The following ZNF835 variants were observed in gnomAD, a reference collection of about 807,000 sequenced individuals.
The protein encoded by ZNF835 is zinc finger protein 835.
For missense variants in ZNF835, 783 were observed against 758.4 expected (o/e 1.03, Z -0.38); for synonymous variants, 323 against 324.7 (o/e 0.99, Z 0.06).
chr19:56,664,079 G>C lies in ZNF835; in HGVS notation c.1120C>G (p.Arg374Gly). The C allele has an allele frequency of 2.5e-6, 4 of 1,598,622 alleles. No homozygotes were observed. The highest frequency in any genetic ancestry group is 3.3e-4 in the Middle Eastern group (2 of 6,002). Residue 374 changes from arginine (R) to glycine (G), a missense_variant, in exon 2 of 2, where the codon CGC (arginine) becomes GGC (glycine). Transcript: ENST00000537055. ...AGGCGGTGCTGGAGGAGGTGGGAGC[G>C]GTTGCTGAAGCGCTTGCCGCAGTCG... ...CHDCGKRFSN[R>G]SHLLQHRLVH...
In ZNF835 at chr19:56,665,145, C is replaced by A. The variant is rs1387826744; in HGVS notation, c.54G>T (p.Trp18Cys). ...GGTCCTCAACCTGGCCCTCGTGTTT[C>A]CAGTTTCCTTCCAACTCTGCGCCCT... ...ALQGAELEGN[W>C]KHEGQVEDLQ... Residue 18 changes from tryptophan to cysteine, a missense_variant, in exon 2 of 2, where the codon TGG (tryptophan) becomes TGT (cysteine). Trp to Cys is a radical substitution (Grantham distance 215, BLOSUM62 -2). Coordinates refer to ENST00000537055, the MANE Select transcript of ZNF835 (RefSeq NM_001005850.3). 1.1e-5 allele frequency: 17 copies of A among 1,614,032 alleles called. No homozygotes were observed. Among genetic ancestry groups the A allele is most frequent in the Non-Finnish European group, 1.4e-5 (16 of 1,179,898 alleles).
rs1233452094 is a variant in ZNF835 at position 56,663,273 on chromosome 19, C to T, written c.*312G>A. ...GGCAGAAGTTTCAGTGAGCCGAGAT[C>T]GCTCCACTGCACTCTAGCCTGGGTG... On this transcript the variant is annotated 3_prime_UTR_variant, in exon 2 of 2. Coordinates refer to ENST00000537055, the MANE Select transcript of ZNF835 (RefSeq NM_001005850.3). The T allele has an allele frequency of 5.3e-6, 2 of 376,204 alleles. No homozygotes were observed. The highest frequency in any genetic ancestry group is 3.4e-5 in the South Asian group (1 of 29,560). 23.3% of individuals were successfully genotyped at this position (376,204 alleles called of 1,614,324 possible).
At chr19:56,666,083 G>A (rs938637874) in intron 1 of ZNF835, among the ~76,000 whole-genome samples, 2 of 152,088 alleles carry the variant, frequency 1.3e-5, no homozygotes, top group African/African-American at 2.4e-5. Context: ...AGCTTTAGAG[G>A]GGGTCATGAG....
chr19:56,663,581 G>T lies in ZNF835; in HGVS notation c.*4C>A. On this transcript the variant is annotated 3_prime_UTR_variant, in exon 2 of 2. Transcript: ENST00000537055. ...TGTGAGGTTGGAAAGGAGGCCCTCA[G>T]CTCTTAATCTTCTGCTGGTCCACGC... 1 of 1,613,882 alleles carries T rather than the reference G, an allele frequency of 6.2e-7. No individual in the cohort carries two copies.
Position 56,664,464 on chromosome 19 carries a change from G to A in ZNF835, c.735C>T (p.Thr245=). 6.2e-7 allele frequency: 1 copy of A among 1,610,636 alleles called. No individual in the cohort carries two copies. ...CGGAGCACTCGTAGGGCTTCTCACC[G>A]GTGTGGATGCGCTGGTGCTCTATCA... is the stretch of plus-strand genomic sequence containing the variant. ...SSLIEHQRIH[T]GEKPYECSAC... Residue 245 remains threonine (T), a synonymous_variant, in exon 2 of 2, where the codon ACC becomes ACT. Transcript: ENST00000537055.
rs8108756 is a variant in ZNF835, at chr19:56,664,830, T to G, written c.369A>C (p.Ser123=). ...GDCGKAFSYC[S]AFILHQRIHT... ...GGATTCTCTGGTGTAAGATGAACGCTGAACAGTAGCTGAAGGCCTTCCCGC... is the reference window on the plus strand; with the variant it reads ...GGATTCTCTGGTGTAAGATGAACGCGGAACAGTAGCTGAAGGCCTTCCCGC... Residue 123 remains serine, a synonymous_variant, in exon 2 of 2, where the codon TCA becomes TCC. Coordinates refer to ENST00000537055, the MANE Select transcript of ZNF835 (RefSeq NM_001005850.3). 0.34 allele frequency: 544,491 copies of G among 1,613,882 alleles called. 97,566 individuals carry two copies. Among genetic ancestry groups the G allele is most frequent in the African/African-American group, 0.64 (47,652 of 75,006 alleles).
In ZNF835 at chr19:56,664,723, G is replaced by A; in HGVS notation, c.476C>T (p.Thr159Met). The change falls in exon 2 of 2, where the codon ACG becomes ATG. Residue 159 changes from threonine (T) to methionine (M), a missense_variant. Coordinates refer to ENST00000537055, the MANE Select transcript of ZNF835 (RefSeq NM_001005850.3). ...QSVHLTLHQR[T>M]HTGEKPYACH... Reference sequence around the variant, plus strand: ...GGCGTAGGGCTTCTCGCCCGTGTGCGTGCGCTGGTGCAGGGTCAGGTGCAC... The same window carrying A: ...GGCGTAGGGCTTCTCGCCCGTGTGCATGCGCTGGTGCAGGGTCAGGTGCAC... 1.2e-6 allele frequency: 2 copies of A among 1,610,312 alleles called. No individual in the cohort carries two copies.
At chr19:56,666,487 G>A (rs890321630) in intron 1 of ZNF835, among the ~76,000 whole-genome samples, 11 of 152,222 alleles carry the variant, frequency 7.2e-5, no homozygotes, top group African/African-American at 1.4e-4. Flanking sequence ...GAAGGCAGCC[G>A]TCTGCAAGCC....
At chr19:56,670,759 C>T (rs1488961256) in intron 1 of ZNF835, among the ~76,000 whole-genome samples, 4 of 152,326 alleles carry the variant, frequency 2.6e-5, no homozygotes, top group South Asian at 2.1e-4. Context: ...TCAGACAGCA[C>T]GGCACTCTAC....
At chr19:56,666,170 A>C in intron 1 of ZNF835, among the ~76,000 whole-genome samples, 1 of 151,982 alleles carries the variant, frequency 6.6e-6, no homozygotes, top group Admixed American at 6.6e-5. Context: ...GCTGGAGCAC[A>C]GTCTTGGCTC....
rs1329483581 is a variant in ZNF835, at chr19:56,664,332, C to A, written c.867G>T (p.Gln289His). 6.3e-7 allele frequency: 1 copy of A among 1,598,294 alleles called. No homozygotes were observed. The highest frequency in any genetic ancestry group is 1.7e-5 in the Admixed American group (1 of 57,686). Residue 289 changes from glutamine (Q) to histidine (H), a missense_variant, in exon 2 of 2, where the codon CAG (glutamine) becomes CAT (histidine). Coordinates refer to ENST00000537055, the MANE Select transcript of ZNF835 (RefSeq NM_001005850.3). ...GCCGGTGCTGGGTCAGGTGCGCGAT[C>A]TGCGCGAAGGCCTTGGCGCACTGGC... ...RCGQCAKAFA[Q>H]IAHLTQHRRV...
At chr19:56,671,211 A>AAGG (rs2045288052) in intron 1 of ZNF835, among the ~76,000 whole-genome samples, 1 of 150,154 alleles carries the variant, frequency 6.7e-6, no homozygotes, top group Admixed American at 6.6e-5. Flanking sequence ...ACACACCTGC[A>AAGG]CCTGCTGGTA....
Position 56,664,171 on chromosome 19 carries a change from A to G in ZNF835, c.1028T>C (p.Phe343Ser). Residue 343 changes from phenylalanine (F) to serine (S), a missense_variant, in exon 2 of 2, where the codon TTC becomes TCC. Physicochemically the swap from Phe to Ser is radical, Grantham distance 155. Coordinates refer to ENST00000537055, the MANE Select transcript of ZNF835 (RefSeq NM_001005850.3). ...CTGCGTCAGGTGCGACACCTGGGTGAAGGCCTTGGCGCACTGGCCGCACGC... is the reference window on the plus strand; with the variant it reads ...CTGCGTCAGGTGCGACACCTGGGTGGAGGCCTTGGCGCACTGGCCGCACGC... ...PYACGQCAKA[F>S]TQVSHLTQHQ... The G allele has an allele frequency of 6.2e-7, 1 of 1,611,642 alleles. No homozygotes were observed.
At chr19:56,667,239 G>T (rs532860592) in intron 1 of ZNF835, among the ~76,000 whole-genome samples, 1 of 152,326 alleles carries the variant, frequency 6.6e-6, no homozygotes, top group Non-Finnish European at 1.5e-5. Flanking sequence ...GGACCTGCAC[G>T]CTGGCGAGAA....
At position 56,671,748 on chromosome 19, in the gene ZNF835, C is replaced by G. The variant is rs1035340884; in HGVS notation, c.-220G>C. 4 of 152,296 alleles carry G rather than the reference C, an allele frequency of 2.6e-5. No individual in the cohort carries two copies. Among genetic ancestry groups the G allele is most frequent in the African/African-American group, 9.6e-5 (4 of 41,472 alleles). 9.4% of individuals were successfully genotyped at this position (152,296 alleles called of 1,614,324 possible). A position where few individuals can be genotyped will look rare whatever the true frequency, so the allele number is the denominator to read the frequency against. Reference sequence around the variant, plus strand: ...AGACTTCTGCTGCTGCGGAGGAGCCCGCGCACCAGGCCGGGGTGGACTGCG... The same window carrying G: ...AGACTTCTGCTGCTGCGGAGGAGCCGGCGCACCAGGCCGGGGTGGACTGCG... On this transcript the variant is annotated 5_prime_UTR_variant, in exon 1 of 2. Coordinates refer to ENST00000537055, the MANE Select transcript of ZNF835 (RefSeq NM_001005850.3).
chr19:56,670,256 G>A (rs1039367357), intron 1 of ZNF835, among the ~76,000 whole-genome samples: 1 of 152,198 alleles, frequency 6.6e-6, no homozygotes, highest in Non-Finnish European at 1.5e-5. Flanking sequence ...AGGGTTTTAG[G>A]GGCTCTGGTA....
intron 1 of ZNF835, among the ~76,000 whole-genome samples, chr19:56,670,729 C>T (rs955098145): frequency 6.6e-6 from 1 of 152,222 alleles, no homozygotes; most frequent in Non-Finnish European, 1.5e-5. Context: ...GCGTCTCCAT[C>T]ATGTGCAGAT....
Position 56,664,936 on chromosome 19 carries a change from T to G in ZNF835, c.263A>C (p.Glu88Ala), listed in dbSNP as rs12460400. ...SSSRRCSAPG[E>A]SPKERHPDSR... ...GTCAGGATGCCTCTCCTTCGGGCTC[T>G]CCCCAGGCGCGCTGCACCTCCGGGA... The change falls in exon 2 of 2, where the codon GAG becomes GCG. Residue 88 changes from glutamate (E) to alanine (A), a missense_variant. By Grantham distance (107) the Glu-to-Ala change is moderately radical. Transcript: ENST00000537055. The G allele has an allele frequency of 0.32, 524,032 of 1,613,586 alleles. 87,311 individuals are homozygous for G. Among genetic ancestry groups the G allele is most frequent in the East Asian group, 0.48 (21,434 of 44,852 alleles).
chr19:56,665,298 T>C, intron 1 of ZNF835, 53 bp from the exon 2 acceptor site: 1 of 1,498,172 alleles, frequency 6.7e-7, no homozygotes, highest in African/African-American at 1.4e-5. Context: ...TGTCCTGAGC[T>C]GGAAAAATGG....
Sources: allele counts gnomAD v4.1 joint callset (sites outside exome capture counted in the v4.1 genomes callset), GRCh38; gene constraint gnomAD v4.1.1; transcripts MANE v1.5; gene names NCBI Gene and HGNC (gene_info 2026-07-23, HGNC 2026-07-21).